Variants in RANBP17 observed in about 807,000 individuals in gnomAD.
RANBP17 encodes ran-binding protein 17.
Under a neutral mutation model 141.2 loss-of-function variants are expected in RANBP17, and 158 were observed. The ratio of observed to expected loss-of-function variants is 1.12; its 90% CI spans 0.98 to 1.28. The LOEUF is 1.28. Among genes scored for constraint, RANBP17 ranks in the 50% most tolerant of loss-of-function variants. RANBP17 has a pLI of 0.00. For missense variants in RANBP17, 1,438 were observed against 1,290.7 expected, an observed-to-expected ratio of 1.11 and a Z score of -1.75; for synonymous variants, 430 against 450.0, an observed-to-expected ratio of 0.96 and a Z score of 0.56.
At chr5:170,916,678 G>A (rs1482505867) in intron 9 of RANBP17, 94 bp downstream of exon 9, 2 of 812,082 alleles carry the variant, frequency 2.5e-6, no homozygotes, top group African/African-American at 1.8e-5. Context: ...TTATGATTCT[G>A]GAAGAAAACA....
intron 12 of RANBP17, among the ~76,000 whole-genome samples, chr5:170,933,039 C>T (rs1773533465): frequency 6.6e-6 from 1 of 152,118 alleles, no homozygotes; most frequent in Non-Finnish European, 1.5e-5. Context: ...TCCATCTGGT[C>T]CTGGACTTTT....
At chr5:171,194,155 A>C (rs1207527332) in intron 18 of RANBP17, among the ~76,000 whole-genome samples, 1 of 152,182 alleles carries the variant, frequency 6.6e-6, no homozygotes, top group East Asian at 1.9e-4. Flanking sequence ...TTTTGTGTAC[A>C]TTTCGGAGGG....
At chr5:170,908,349 T>C (rs944651823) in intron 5 of RANBP17, among the ~76,000 whole-genome samples, 8 of 151,768 alleles carry the variant, frequency 5.3e-5, no homozygotes, top group African/African-American at 1.7e-4. Flanking sequence ...AATAATGAAA[T>C]CATGTCCTTT....
At chr5:170,903,606 T>C (rs1770837464) in intron 5 of RANBP17, 1 of 248,354 alleles carries the variant, frequency 4.0e-6, no homozygotes, top group African/African-American at 2.3e-5. Context: ...ATCCTTCCGG[T>C]GAGGAGGATG....
At chr5:171,181,046 C>G (rs1332228714) in intron 16 of RANBP17, among the ~76,000 whole-genome samples, 2 of 152,062 alleles carry the variant, frequency 1.3e-5, no homozygotes, top group Non-Finnish European at 2.9e-5. Context: ...TTTATTGATC[C>G]CACCCCAGTT....
chr5:171,296,106 G>T lies in RANBP17; in HGVS notation c.3170+92G>T. ...CTCGTGCTTGACACAGCTCACACAT[G>T]GATGTCCCTTTTCTGTTACACCTTG... On this transcript the variant is annotated intron_variant, in intron 27 of 27. Coordinates refer to ENST00000523189, the MANE Select transcript of RANBP17 (RefSeq NM_022897.5). 10 of 1,285,640 alleles carry T rather than the reference G, an allele frequency of 7.8e-6. No individual in the cohort carries two copies. The South Asian group carries it at 1.2e-4, about 16-fold the overall frequency. 79.6% of individuals were successfully genotyped at this position (1,285,640 alleles called of 1,614,324 possible). A position where few individuals can be genotyped will look rare whatever the true frequency, so the allele number is the denominator to read the frequency against.
At chr5:171,198,400 T>C (rs1321047682) in intron 18 of RANBP17, among the ~76,000 whole-genome samples, 2 of 152,172 alleles carry the variant, frequency 1.3e-5, no homozygotes, top group African/African-American at 4.8e-5. Context: ...CAATGTGAAA[T>C]TGAAGGAAAG....
In RANBP17 at chr5:171,063,990, T is replaced by C. The variant is rs111272137; in HGVS notation, c.1710+95613T>C. Among the ~76,000 whole-genome samples the C allele has an allele frequency of 3.6e-3, 547 of 152,338 alleles. 1 individual carries two copies. Among genetic ancestry groups the C allele is most frequent in the African/African-American group, 0.013 (531 of 41,580 alleles). ...CCAGGTGCGGGATATAATCTCCTGG[T>C]GCACTGTTTGTTAAGCCCATCGGAA... On this transcript the variant is annotated intron_variant, in intron 14 of 27. Coordinates refer to ENST00000523189, the MANE Select transcript of RANBP17 (RefSeq NM_022897.5).
At position 170,968,097 on chromosome 5, in the gene RANBP17, A is replaced by T. The variant is rs549814548; in HGVS notation, c.1575-145A>T. 13 of 577,992 alleles carry T rather than the reference A, an allele frequency of 2.2e-5. No individual in the cohort carries two copies. The South Asian group carries it at 4.2e-4, about 19-fold the overall frequency. 35.8% of individuals were successfully genotyped at this position (577,992 alleles called of 1,614,324 possible). ...TCTCTCAGTAGTAGGATTTCAGATG[A>T]TTCAAAAAATATTTTCTTTATATTT... On this transcript the variant is annotated intron_variant, in intron 13 of 27. Coordinates refer to ENST00000523189, the MANE Select transcript of RANBP17 (RefSeq NM_022897.5).
intron 7 of RANBP17, chr5:170,911,420 C>A: frequency 1.7e-6 from 1 of 589,484 alleles, no homozygotes; most frequent in Non-Finnish European, 3.1e-6. Context: ...TTGAAACTTT[C>A]AGACTTTCAG....
intron 14 of RANBP17, among the ~76,000 whole-genome samples, chr5:171,162,521 T>C (rs2127859848): frequency 6.6e-6 from 1 of 152,144 alleles, no homozygotes; most frequent in Non-Finnish European, 1.5e-5. Context: ...TAGATCTGCT[T>C]GGGGGTGGGA....
At chr5:170,865,498 C>G (rs925461012) in intron 1 of RANBP17, among the ~76,000 whole-genome samples, 1 of 152,204 alleles carries the variant, frequency 6.6e-6, no homozygotes, top group Non-Finnish European at 1.5e-5. Context: ...CATGACATTT[C>G]TAAGACCCCA....
rs559580141 is a variant in RANBP17, at chr5:171,041,729, C to CT, written c.1710+73360dup. 2.3e-3 allele frequency among the ~76,000 whole-genome samples: 353 copies of CT among 152,030 alleles called. 1 individual carries two copies. Among genetic ancestry groups the CT allele is most frequent in the Admixed American group, 3.9e-3 (60 of 15,234 alleles). On this transcript the variant is annotated intron_variant, in intron 14 of 27. Coordinates refer to ENST00000523189, the MANE Select transcript of RANBP17 (RefSeq NM_022897.5). ...TAGAAAAGGCACAGTAAAAAATACA[C>CT]TTTTTTTTAAATTTAATATTATTTT...
intron 14 of RANBP17, among the ~76,000 whole-genome samples, chr5:171,033,167 C>T (rs758567094): frequency 3.4e-5 from 5 of 147,476 alleles, no homozygotes; most frequent in Non-Finnish European, 7.4e-5. Flanking sequence ...CGTTTTACTG[C>T]TACTAAGCCT....
chr5:171,034,912 C>G (rs1283003049), intron 14 of RANBP17, among the ~76,000 whole-genome samples: 1 of 152,112 alleles, frequency 6.6e-6, no homozygotes, highest in Non-Finnish European at 1.5e-5. Flanking sequence ...CAGCTTCAAC[C>G]TCCAGGCTCA....
chr5:171,046,430 G>A (rs1782595304), intron 14 of RANBP17, among the ~76,000 whole-genome samples: 1 of 151,846 alleles, frequency 6.6e-6, no homozygotes, highest in Non-Finnish European at 1.5e-5. Flanking sequence ...GGATGGTCTT[G>A]ATGTCTTGAC....
At chr5:171,058,135 T>A (rs543427006) in intron 14 of RANBP17, among the ~76,000 whole-genome samples, 2 of 152,164 alleles carry the variant, frequency 1.3e-5, no homozygotes, top group South Asian at 4.1e-4. Flanking sequence ...TATTTCTCTC[T>A]TACCTCACTA....
chr5:170,984,006 G>GTAT (rs530568380), intron 14 of RANBP17, among the ~76,000 whole-genome samples: 132 of 152,252 alleles, frequency 8.7e-4, no homozygotes, highest in African/African-American at 3.0e-3. Flanking sequence ...AAGGCTTGTG[G>GTAT]TATTCCCAGT....
chr5:171,207,853 T>C (rs1222215990), intron 20 of RANBP17: 1 of 152,214 alleles, frequency 6.6e-6, no homozygotes, highest in African/African-American at 2.4e-5. Context: ...TTAAAAGTTA[T>C]ATTATTTGAT....
Sources: allele counts gnomAD v4.1 joint callset (sites outside exome capture counted in the v4.1 genomes callset), GRCh38; gene constraint gnomAD v4.1.1; transcripts MANE v1.5; gene names NCBI Gene and HGNC (gene_info 2026-07-23, HGNC 2026-07-21).